Variants in PDGFA observed in about 807,000 individuals in gnomAD.
The protein encoded by PDGFA is platelet derived growth factor subunit A.
PDGFA carries 9 observed loss-of-function variants against 25.6 expected under a neutral mutation model. That is an observed-to-expected ratio of 0.35 (90% confidence interval 0.21 to 0.61). PDGFA has a LOEUF of 0.61. Among genes scored for constraint, PDGFA ranks in the 20% least tolerant of loss-of-function variants. The pLI is 0.75. For missense variants in PDGFA, 242 were observed against 272.8 expected, an observed-to-expected ratio of 0.89 and a Z score of 0.79; for synonymous variants, 133 against 111.8, an observed-to-expected ratio of 1.19 and a Z score of -1.20.
chr7:512,481 A>C, intron 2 of PDGFA, 26 bp from the exon 3 acceptor site: 1 of 1,613,250 alleles, frequency 6.2e-7, no homozygotes, highest in Non-Finnish European at 8.5e-7. Flanking sequence ...GAACACCGTG[A>C]ATGCCCCAGG....
intron 4 of PDGFA, among the ~76,000 whole-genome samples, chr7:503,209 C>T (rs1782424410): frequency 6.6e-6 from 1 of 152,196 alleles, no homozygotes; most frequent in Non-Finnish European, 1.5e-5. Context: ...CTGGAGCACA[C>T]ACCAGGGAAT....
chr7:516,852 G>GA (rs920366385), intron 2 of PDGFA, among the ~76,000 whole-genome samples: 39 of 152,348 alleles, frequency 2.6e-4, no homozygotes, highest in African/African-American at 8.7e-4. Context: ...CGTGAAAACA[G>GA]AAAGACACCG....
chr7:509,188 C>G (rs1782693734), intron 4 of PDGFA, among the ~76,000 whole-genome samples: 1 of 152,254 alleles, frequency 6.6e-6, no homozygotes, highest in Admixed American at 6.5e-5. Flanking sequence ...GAAGGCCCTG[C>G]TGTGGCAGGA....
At chr7:504,723 TC>T (rs1782486445) in intron 4 of PDGFA, among the ~76,000 whole-genome samples, 1 of 152,214 alleles carries the variant, frequency 6.6e-6, no homozygotes, top group Non-Finnish European at 1.5e-5. Context: ...GCCCTGACCC[TC>T]CGGATGGCAC....
chr7:507,068 C>T (rs1410111846), intron 4 of PDGFA, among the ~76,000 whole-genome samples: 1 of 152,236 alleles, frequency 6.6e-6, no homozygotes, highest in African/African-American at 2.4e-5. Context: ...GCCAGGTTGA[C>T]AGCCGCCTCC....
chr7:516,115 A>G (rs1783087034), intron 2 of PDGFA, among the ~76,000 whole-genome samples: 1 of 134,310 alleles, frequency 7.4e-6, no homozygotes, highest in Non-Finnish European at 1.5e-5. Context: ...CACAAACCAG[A>G]GCCAGATCCT....
At chr7:498,329 T>C (rs1212806121) in exon 6 of PDGFA, 2 of 550,008 alleles carry the variant, frequency 3.6e-6, no homozygotes, top group Non-Finnish European at 3.2e-6. Context: ...TCTTTCTCTC[T>C]CTCTCTTTTT....
chr7:516,562 A>C (rs1783110385), intron 2 of PDGFA, among the ~76,000 whole-genome samples: 1 of 152,190 alleles, frequency 6.6e-6, no homozygotes, highest in South Asian at 2.1e-4. Flanking sequence ...TCATTTTGAA[A>C]AGAGCGCCAC....
chr7:507,580 A>C (rs1354566199), intron 4 of PDGFA, among the ~76,000 whole-genome samples: 1 of 152,194 alleles, frequency 6.6e-6, no homozygotes, highest in African/African-American at 2.4e-5. Context: ...CAGGGGCTGC[A>C]CAAGGCTGAG....
intron 4 of PDGFA, among the ~76,000 whole-genome samples, chr7:506,122 GCTGAT>G (rs1782554079): frequency 6.7e-6 from 1 of 149,906 alleles, no homozygotes; most frequent in Non-Finnish European, 1.5e-5. Context: ...GTTGCAGTGA[GCTGAT>G]ATCGGGCCAC....
At position 499,720 on chromosome 7, in the gene PDGFA, TCCCC is replaced by T. The variant is rs1162560758; in HGVS notation, c.581-1150_581-1147del. 2.4e-3 allele frequency among the ~76,000 whole-genome samples: 55 copies of T among 23,064 alleles called. 19 individuals are homozygous for T. The highest frequency in any genetic ancestry group is 3.5e-3 in the African/African-American group (13 of 3,750). The allele number at this position is 23,064 out of a possible 152,430, so 15.1% of individuals were successfully genotyped here. On this transcript the variant is annotated intron_variant, in intron 5 of 5. Transcript: ENST00000402802. Reference sequence around the variant, plus strand: ...CTCTCTAAGGGTGTTATTTTGCCCTTCCCCCCCCCCCCCGCTCACTCCTTCTTCC... The same window carrying T: ...CTCTCTAAGGGTGTTATTTTGCCCTTCCCCCCCCCGCTCACTCCTTCTTCC...
In PDGFA at chr7:517,469, C is replaced by A; in HGVS notation, c.85G>T (p.Val29Leu). The A allele has an allele frequency of 7.4e-7, 1 of 1,354,878 alleles. No individual in the cohort carries two copies. Among genetic ancestry groups the A allele is most frequent in the Non-Finnish European group, 9.6e-7 (1 of 1,038,272 alleles). 83.9% of individuals were successfully genotyped at this position (1,354,878 alleles called of 1,614,324 possible). A position where few individuals can be genotyped will look rare whatever the true frequency, so the allele number is the denominator to read the frequency against. ...TGACTGCGGGCCAGCCTCTCGATCA[C>A]CTCGCGGGGGATCTCGGCTTCCTGC... Residue 29 changes from valine (V) to leucine (L), a missense_variant, in exon 2 of 6, where the codon GTG (valine) becomes TTG (leucine). Around this residue, in one of 5 missense-constraint regions of PDGFA, gnomAD observed 113 missense variants for 98.3 expected, o/e 1.15. Transcript: ENST00000402802. The surrounding 1 kb of genome is among the most constrained non-coding windows in gnomAD (Gnocchi z 7.4).
intron 2 of PDGFA, 80 bp from the exon 3 acceptor site, chr7:512,535 G>T (rs1459933340): frequency 2.5e-6 from 4 of 1,601,784 alleles, no homozygotes; most frequent in Non-Finnish European, 3.4e-6. Flanking sequence ...ACTTCCCACA[G>T]ACCAGCTTTG....
intron 2 of PDGFA, chr7:513,289 TC>T (rs1343080159): frequency 6.6e-6 from 1 of 152,424 alleles, no homozygotes; most frequent in Non-Finnish European, 1.5e-5. Flanking sequence ...TGAGAACCTA[TC>T]CCCGCCACCC....
intron 2 of PDGFA, among the ~76,000 whole-genome samples, chr7:514,897 G>C (rs976457621): frequency 3.3e-5 from 5 of 152,200 alleles, no homozygotes; most frequent in Non-Finnish European, 7.3e-5. Context: ...CGAATGAAAC[G>C]CTTGGGCTCC....
chr7:510,531 G>C (rs373794490), intron 4 of PDGFA, among the ~76,000 whole-genome samples: 1 of 131,790 alleles, frequency 7.6e-6, no homozygotes, highest in Non-Finnish European at 1.6e-5. Flanking sequence ...TTGACGCTGC[G>C]GTGGTGGACG....
chr7:498,817 C>T (rs1417575070), intron 5 of PDGFA, among the ~76,000 whole-genome samples: 1 of 152,216 alleles, frequency 6.6e-6, no homozygotes, highest in Non-Finnish European at 1.5e-5. Context: ...AGACCAAGCC[C>T]CATTCTCCCA....
intron 4 of PDGFA, among the ~76,000 whole-genome samples, chr7:508,160 C>T (rs552031353): frequency 2.8e-4 from 43 of 152,240 alleles, no homozygotes; most frequent in African/African-American, 9.9e-4. Flanking sequence ...GAACCTTCTC[C>T]CCGCCGCCCC....
intron 4 of PDGFA, among the ~76,000 whole-genome samples, chr7:510,127 G>A (rs531949271): frequency 5.3e-5 from 8 of 152,268 alleles, no homozygotes; most frequent in Non-Finnish European, 7.4e-5. Context: ...GACAGCTTCC[G>A]GCTAAGCAGC....
Sources: gnomAD v4.1 joint callset for allele counts (sites outside exome capture counted in the v4.1 genomes callset) on GRCh38, gnomAD v4.1.1 for gene constraint, gnomAD v4.1.1 regional missense constraint, Gnocchi (gnomAD v3.1) non-coding constraint, MANE v1.5 for transcripts, NCBI Gene and HGNC (gene_info 2026-07-23, HGNC 2026-07-21) for gene names.